The following PRKG2 variants were observed in gnomAD, a reference collection of about 807,000 sequenced individuals.
The protein encoded by PRKG2 is protein kinase cGMP-dependent 2, also known as cGMP-dependent protein kinase 2.
A neutral mutation model predicts 97.2 loss-of-function variants in PRKG2; 33 were observed. That is an observed-to-expected ratio of 0.34 (90% confidence interval 0.26 to 0.45). PRKG2 has a LOEUF of 0.45. Among genes scored for constraint, PRKG2 ranks in the 20% least tolerant of loss-of-function variants. The pLI is 1.00. For missense variants in PRKG2, 638 were observed against 900.0 expected, an observed-to-expected ratio of 0.71 and a Z score of 3.73; for synonymous variants, 330 against 321.8, an observed-to-expected ratio of 1.03 and a Z score of -0.27.
chr4:81,156,110 C>T (rs1749067326), intron 6 of PRKG2, among the ~76,000 whole-genome samples: 1 of 152,088 alleles, frequency 6.6e-6, no homozygotes, highest in Non-Finnish European at 1.5e-5. Flanking sequence ...GGACTAAATG[C>T]TCCAATTAAA....
intron 3 of PRKG2, among the ~76,000 whole-genome samples, chr4:81,172,934 T>C (rs972278328): frequency 2.0e-5 from 3 of 152,152 alleles, no homozygotes; most frequent in Admixed American, 6.6e-5. Flanking sequence ...CACTCAGTTC[T>C]GGCTCCAAAT....
At chr4:81,095,581 T>C (rs922674194) in intron 17 of PRKG2, among the ~76,000 whole-genome samples, 9 of 152,226 alleles carry the variant, frequency 5.9e-5, no homozygotes, top group Non-Finnish European at 1.2e-4. Context: ...ATCTGACTTA[T>C]CACAGTACTT....
chr4:81,190,182 A>C (rs28888497), intron 2 of PRKG2, among the ~76,000 whole-genome samples: 6,344 of 152,248 alleles, frequency 0.042, 453 homozygotes, highest in African/African-American at 0.14. Context: ...AAACTATTGG[A>C]CATGGCTATA....
intron 6 of PRKG2, among the ~76,000 whole-genome samples, chr4:81,156,584 T>C (rs1482700911): frequency 1.3e-5 from 2 of 152,270 alleles, no homozygotes; most frequent in Admixed American, 6.5e-5. Flanking sequence ...GCTGACCTAA[T>C]AGACATCTAC....
In PRKG2 at chr4:81,144,205, G is replaced by A. The variant is rs372835249; in HGVS notation, c.1253+27C>T. On this transcript the variant is annotated intron_variant, in intron 10 of 18. Transcript: ENST00000264399. ...TTATTGGCTGCCAGAAGTCAGCTCCGGCTCAGGAAAACATTCCTCCACTTA... is the reference window on the plus strand; with the variant it reads ...TTATTGGCTGCCAGAAGTCAGCTCCAGCTCAGGAAAACATTCCTCCACTTA... The A allele has an allele frequency of 4.3e-5, 67 of 1,565,266 alleles. No individual in the cohort carries two copies. The Admixed American group carries it at 5.4e-4, about 13-fold the overall frequency.
chr4:81,183,374 A>G (rs1578485405), intron 2 of PRKG2, among the ~76,000 whole-genome samples: 1 of 152,218 alleles, frequency 6.6e-6, no homozygotes, highest in East Asian at 1.9e-4. Flanking sequence ...CGCCTCACCC[A>G]GAAGGACAAG....
chr4:81,155,346 T>C (rs1748959108), intron 6 of PRKG2, among the ~76,000 whole-genome samples: 1 of 151,186 alleles, frequency 6.6e-6, no homozygotes. Flanking sequence ...GAAGATGAAA[T>C]GAATGAAATG....
At chr4:81,116,213 G>A (rs1054199967) in intron 14 of PRKG2, among the ~76,000 whole-genome samples, 15 of 152,036 alleles carry the variant, frequency 9.9e-5, no homozygotes, top group Non-Finnish European at 2.2e-4. Flanking sequence ...AGGTCCTGGT[G>A]CCTATTATTC....
intron 15 of PRKG2, among the ~76,000 whole-genome samples, chr4:81,107,970 T>G (rs1743518999): frequency 6.6e-6 from 1 of 151,986 alleles, no homozygotes; most frequent in Admixed American, 6.6e-5. Context: ...TTTGAGAGAA[T>G]GAGGCGGGAA....
At chr4:81,166,436 A>G (rs903566123) in intron 6 of PRKG2, among the ~76,000 whole-genome samples, 1 of 152,130 alleles carries the variant, frequency 6.6e-6, no homozygotes, top group Non-Finnish European at 1.5e-5. Flanking sequence ...TGACCCCCCA[A>G]AAAGTTAAAG....
At chr4:81,203,667 C>T (rs1237399687) in intron 2 of PRKG2, among the ~76,000 whole-genome samples, 4 of 152,102 alleles carry the variant, frequency 2.6e-5, no homozygotes, top group Admixed American at 6.6e-5. Context: ...AATGAGTCTT[C>T]CCTGACCCAG....
chr4:81,148,467 G>T (rs1167096067), intron 9 of PRKG2, among the ~76,000 whole-genome samples: 1 of 152,098 alleles, frequency 6.6e-6, no homozygotes, highest in East Asian at 1.9e-4. Context: ...GGAAAAATAT[G>T]TAGCTAATAT....
At chr4:81,133,295 A>AT (rs924469911) in intron 14 of PRKG2, among the ~76,000 whole-genome samples, 2 of 151,912 alleles carry the variant, frequency 1.3e-5, no homozygotes, top group East Asian at 1.9e-4. Context: ...CAAATTTGAT[A>AT]TTTTTTTCTT....
intron 14 of PRKG2, among the ~76,000 whole-genome samples, chr4:81,134,381 A>C (rs935402057): frequency 1.3e-5 from 2 of 152,286 alleles, no homozygotes; most frequent in Middle Eastern, 3.4e-3. Flanking sequence ...GAAACTTTTA[A>C]TATCTTTGTA....
intron 14 of PRKG2, among the ~76,000 whole-genome samples, chr4:81,115,360 C>T (rs529209471): frequency 6.6e-6 from 1 of 152,278 alleles, no homozygotes; most frequent in African/African-American, 2.4e-5. Context: ...TGAGTTATAG[C>T]ATTATAATTA....
intron 3 of PRKG2, 103 bp from the exon 4 acceptor site, chr4:81,171,907 A>C: frequency 1.4e-6 from 1 of 738,716 alleles, no homozygotes. Flanking sequence ...CAAAGTATAC[A>C]GGTAAGATAT....
chr4:81,181,585 T>C (rs1197746000), intron 2 of PRKG2, among the ~76,000 whole-genome samples: 1 of 151,408 alleles, frequency 6.6e-6, no homozygotes, highest in Non-Finnish European at 1.5e-5. Flanking sequence ...CAGCCCAAAA[T>C]AATTTCTTTG....
At chr4:81,181,842 T>A (rs1034795101) in intron 2 of PRKG2, among the ~76,000 whole-genome samples, 1 of 151,940 alleles carries the variant, frequency 6.6e-6, no homozygotes. Flanking sequence ...TGACATCATT[T>A]AAAATAGTTT....
At chr4:81,129,985 A>G (rs1746006257) in intron 14 of PRKG2, among the ~76,000 whole-genome samples, 1 of 151,902 alleles carries the variant, frequency 6.6e-6, no homozygotes, top group South Asian at 2.1e-4. Flanking sequence ...TTTCCTTCCC[A>G]TATTTAGTGC....
Sources: allele counts gnomAD v4.1 joint callset (sites outside exome capture counted in the v4.1 genomes callset), GRCh38; gene constraint gnomAD v4.1.1; transcripts MANE v1.5; gene names NCBI Gene and HGNC (gene_info 2026-07-23, HGNC 2026-07-21).